Variants in SPATA6 observed in about 807,000 individuals in gnomAD.
SPATA6 encodes spermatogenesis-associated protein 6.
Under a neutral mutation model 65.3 loss-of-function variants are expected in SPATA6, and 56 were observed. The ratio of observed to expected loss-of-function variants is 0.86; its 90% CI spans 0.69 to 1.07. SPATA6 has a LOEUF of 1.07. Among genes scored for constraint, SPATA6 ranks in the 50% least tolerant of loss-of-function variants. The probability of loss-of-function intolerance (pLI) is 0.00; values close to 1 mark genes in which losing one functional copy is unlikely to be tolerated. For missense variants in SPATA6, 590 were observed against 594.8 expected (o/e 0.99, Z 0.08); for synonymous variants, 199 against 213.2 (o/e 0.93, Z 0.58).
chr1:48,384,375 AGGGAGAG>A (rs1649208356), intron 9 of SPATA6, among the ~76,000 whole-genome samples: 1 of 11,156 alleles, frequency 9.0e-5, no homozygotes, highest in Non-Finnish European at 1.7e-4. Flanking sequence ...GGAGAGGGAG[AGGGAGAG>A]GGAGAGGGAG....
intron 11 of SPATA6, among the ~76,000 whole-genome samples, chr1:48,316,915 G>A (rs1025451967): frequency 6.6e-6 from 1 of 152,098 alleles, no homozygotes; most frequent in South Asian, 2.1e-4. Flanking sequence ...GCAGCCAACA[G>A]ACACATGAAA....
chr1:48,331,720 A>C (rs1645921760), intron 11 of SPATA6, among the ~76,000 whole-genome samples: 1 of 148,808 alleles, frequency 6.7e-6, no homozygotes, highest in South Asian at 2.2e-4. Context: ...AGGAAATGCA[A>C]AGAATTCCTG....
In SPATA6 at chr1:48,436,325, C is replaced by T. The variant is rs1282541204; in HGVS notation, c.238+15227G>A. 8.7e-6 allele frequency: 14 copies of T among 1,612,670 alleles called. No homozygotes were observed. The Admixed American group carries it at 2.2e-4, about 25-fold the overall frequency. ...CACTTTTTCCGGCATCCCAATATTA[C>T]AACTTACTGGACAGTTTTCACTGTT... On this transcript the variant is annotated intron_variant, in intron 3 of 12. Coordinates refer to ENST00000371847, the MANE Select transcript of SPATA6 (RefSeq NM_019073.4).
In SPATA6 at chr1:48,297,675, A is replaced by G. The variant is rs987603893; in HGVS notation, c.*1038T>C. The G allele has an allele frequency of 6.6e-5, 10 of 152,142 alleles. No individual in the cohort carries two copies. Among genetic ancestry groups the G allele is most frequent in the African/African-American group, 2.4e-4 (10 of 41,440 alleles). 9.4% of individuals were successfully genotyped at this position (152,142 alleles called of 1,614,324 possible). On this transcript the variant is annotated 3_prime_UTR_variant, in exon 13 of 13. Coordinates refer to ENST00000371847, the MANE Select transcript of SPATA6 (RefSeq NM_019073.4). Reference sequence around the variant, plus strand: ...CCTCCCCTCACTCTCTATTAAATATAAAGTAGCTGATTTCTTTATGTCTTT... The same window carrying G: ...CCTCCCCTCACTCTCTATTAAATATGAAGTAGCTGATTTCTTTATGTCTTT...
chr1:48,394,365 A>G (rs1352803641), intron 8 of SPATA6, among the ~76,000 whole-genome samples: 1 of 152,138 alleles, frequency 6.6e-6, no homozygotes, highest in East Asian at 1.9e-4. Flanking sequence ...TATTGAAGTT[A>G]CTTTACAGTG....
chr1:48,386,783 C>T (rs1251068939), intron 8 of SPATA6, among the ~76,000 whole-genome samples: 1 of 152,190 alleles, frequency 6.6e-6, no homozygotes, highest in Non-Finnish European at 1.5e-5. Flanking sequence ...CAAGAGAGAA[C>T]ACTTCCCCTG....
intron 3 of SPATA6, among the ~76,000 whole-genome samples, chr1:48,451,081 T>A (rs1424557730): frequency 1.3e-5 from 2 of 152,188 alleles, no homozygotes; most frequent in Non-Finnish European, 2.9e-5. Flanking sequence ...CTTGAAAAAA[T>A]GTGTTTTTCA....
At chr1:48,444,048 C>T (rs1182128744) in intron 3 of SPATA6, among the ~76,000 whole-genome samples, 1 of 152,158 alleles carries the variant, frequency 6.6e-6, no homozygotes, top group Admixed American at 6.5e-5. Flanking sequence ...GAGCAGTCAT[C>T]GCCCAATTCC....
At chr1:48,270,855 T>C in the SPATA6 span, among the ~76,000 whole-genome samples, 1 of 152,048 alleles carries the variant, frequency 6.6e-6, no homozygotes, top group Admixed American at 6.6e-5. Context: ...AGATTTAAGA[T>C]ATAACTTAAA....
In SPATA6 at chr1:48,339,118, A is replaced by G. The variant is rs567465147; in HGVS notation, c.1194+16552T>C. On this transcript the variant is annotated intron_variant, in intron 11 of 12. Coordinates refer to ENST00000371847, the MANE Select transcript of SPATA6 (RefSeq NM_019073.4). ...AACTAAGCCTAAAACCTTTGTTAAC[A>G]GGACAGAAATGGCCTCAGTCTCTCG... Among the ~76,000 whole-genome samples, 120 of 152,130 alleles carry G rather than the reference A, an allele frequency of 7.9e-4. 1 individual carries two copies. Among genetic ancestry groups the G allele is most frequent in the African/African-American group, 2.8e-3 (116 of 41,556 alleles).
At chr1:48,369,292 T>C (rs1421088376) in intron 9 of SPATA6, among the ~76,000 whole-genome samples, 1 of 152,218 alleles carries the variant, frequency 6.6e-6, no homozygotes, top group Non-Finnish European at 1.5e-5. Flanking sequence ...AGCTGCGTGC[T>C]GGGAGAACCA....
At chr1:48,357,988 G>A (rs970181274) in intron 10 of SPATA6, among the ~76,000 whole-genome samples, 1 of 151,986 alleles carries the variant, frequency 6.6e-6, no homozygotes, top group African/African-American at 2.4e-5. Flanking sequence ...AGTTAAATTA[G>A]GTAATGTTTA....
intron 11 of SPATA6, among the ~76,000 whole-genome samples, chr1:48,324,549 C>A (rs988110861): frequency 6.6e-6 from 1 of 152,110 alleles, no homozygotes; most frequent in Admixed American, 6.5e-5. Flanking sequence ...ATAAGCAAAT[C>A]AATCAATGTG....
At chr1:48,385,165 A>G in intron 9 of SPATA6, 144 bp downstream of exon 9, 1 of 778,616 alleles carries the variant, frequency 1.3e-6, no homozygotes, top group South Asian at 3.8e-5. Flanking sequence ...AGTAACCAAA[A>G]TAACATTATA....
intron 8 of SPATA6, among the ~76,000 whole-genome samples, chr1:48,390,348 T>C (rs1649920354): frequency 6.6e-6 from 1 of 152,320 alleles, no homozygotes; most frequent in East Asian, 1.9e-4. Flanking sequence ...TGTTCTCATA[T>C]GTGGAAGCTA....
chr1:48,412,134 A>G (rs910482441), intron 4 of SPATA6, among the ~76,000 whole-genome samples: 1 of 152,148 alleles, frequency 6.6e-6, no homozygotes. Context: ...TGCTGGGATT[A>G]CAAGCATGAG....
chr1:48,289,876 T>G, the SPATA6 span, among the ~76,000 whole-genome samples: 4 of 152,216 alleles, frequency 2.6e-5, no homozygotes, highest in African/African-American at 9.7e-5. Flanking sequence ...TATGTCTCAC[T>G]GGTGTACCTG....
chr1:48,452,504 C>T (rs1214571927), intron 2 of SPATA6, among the ~76,000 whole-genome samples: 7 of 151,946 alleles, frequency 4.6e-5, no homozygotes, highest in Non-Finnish European at 7.4e-5. Context: ...CTGCCTCAGC[C>T]TCCCGAGTAA....
intron 1 of SPATA6, among the ~76,000 whole-genome samples, chr1:48,467,407 A>G (rs1413605636): frequency 6.6e-6 from 1 of 152,148 alleles, no homozygotes; most frequent in Non-Finnish European, 1.5e-5. Flanking sequence ...ACTGAATGTC[A>G]CCACAAAAAG....
Sources: allele counts gnomAD v4.1 joint callset (sites outside exome capture counted in the v4.1 genomes callset), GRCh38; gene constraint gnomAD v4.1.1; transcripts MANE v1.5; gene names NCBI Gene and HGNC (gene_info 2026-07-23, HGNC 2026-07-21).